The following ATP10B variants were observed in gnomAD, a reference collection of about 807,000 sequenced individuals.
ATP10B encodes the protein ATPase phospholipid transporting 10B (putative).
In ATP10B, 122 loss-of-function variants were observed where a neutral mutation model predicts 141.2. That is an observed-to-expected ratio of 0.86 (90% CI 0.75 to 1.00). The LOEUF (loss-of-function observed/expected upper bound fraction) is 1.00, where lower values mean the gene tolerates loss of function less well. Ranked by LOEUF, ATP10B falls within the 50% of genes least tolerant of loss-of-function variation. The probability of loss-of-function intolerance (pLI) is 0.00; values close to 1 mark genes in which losing one functional copy is unlikely to be tolerated. For missense variants in ATP10B, 1,876 were observed against 1,825.3 expected, an observed-to-expected ratio of 1.03 and a Z score of -0.51; for synonymous variants, 685 against 692.0, an observed-to-expected ratio of 0.99 and a Z score of 0.16.
At chr5:160,663,574 A>G (rs1014397376) in intron 7 of ATP10B, among the ~76,000 whole-genome samples, 1 of 151,968 alleles carries the variant, frequency 6.6e-6, no homozygotes, top group East Asian at 1.9e-4. Context: ...TCACTCATAG[A>G]TGGGAATTGA....
chr5:160,767,973 G>T (rs577668783), intron 2 of ATP10B, among the ~76,000 whole-genome samples: 1 of 151,994 alleles, frequency 6.6e-6, no homozygotes, highest in African/African-American at 2.4e-5. Context: ...GAACATTTCT[G>T]TCTCTCAGTA....
intron 1 of ATP10B, among the ~76,000 whole-genome samples, chr5:160,788,150 A>G (rs913660561): frequency 2.0e-5 from 3 of 152,080 alleles, no homozygotes; most frequent in Non-Finnish European, 4.4e-5. Flanking sequence ...TTTAGCCCTC[A>G]TTTCTGTGAG....
rs779746721 is a variant in ATP10B at position 160,615,936 on chromosome 5, C to T, written c.2555G>A (p.Trp852Ter). The T allele has an allele frequency of 8.1e-6, 13 of 1,613,746 alleles. No individual in the cohort carries two copies. Among genetic ancestry groups the T allele is most frequent in the Non-Finnish European group, 1.1e-5 (13 of 1,179,830 alleles). ...KVVSEEDFRR[W>*]ASFRREAEAS... ...CTCAGCCTCACGCCGGAAACTGGCC[C>T]ATCTCCGGAAGTCCTCTTCGCTTAC... Residue 852 changes from tryptophan (W) to a stop codon, truncating the protein, a stop_gained, in exon 17 of 26, where the codon TGG becomes TAG. Transcript: ENST00000327245. LOFTEE classifies it high-confidence loss of function.
chr5:160,726,014 A>C (rs73798532), intron 2 of ATP10B, among the ~76,000 whole-genome samples: 3,127 of 152,270 alleles, frequency 0.021, 112 homozygotes, highest in African/African-American at 0.071. Context: ...GGCTAATCTC[A>C]ATCATGGAAT....
chr5:160,838,844 T>C (rs756388365), intron 1 of ATP10B, among the ~76,000 whole-genome samples: 37 of 152,146 alleles, frequency 2.4e-4, no homozygotes, highest in Non-Finnish European at 4.1e-4. Flanking sequence ...TGGAAGGTGA[T>C]TGGATCATGG....
intron 2 of ATP10B, among the ~76,000 whole-genome samples, chr5:160,774,560 T>C (rs527505130): frequency 6.6e-6 from 1 of 152,328 alleles, no homozygotes; most frequent in East Asian, 1.9e-4. Context: ...CTCTATTAAC[T>C]GTGCCCCACT....
At chr5:160,586,915 G>A (rs1444107874) in intron 24 of ATP10B, among the ~76,000 whole-genome samples, 1 of 152,126 alleles carries the variant, frequency 6.6e-6, no homozygotes, top group African/African-American at 2.4e-5. Flanking sequence ...TCTGTAGATT[G>A]CCTTTTCACT....
At chr5:160,772,924 C>T (rs537615138) in intron 2 of ATP10B, among the ~76,000 whole-genome samples, 4 of 152,326 alleles carry the variant, frequency 2.6e-5, no homozygotes, top group African/African-American at 9.6e-5. Context: ...CAGTTGCTGA[C>T]ACATGGAAAA....
intron 3 of ATP10B, among the ~76,000 whole-genome samples, chr5:160,706,419 T>C (rs1316539407): frequency 1.3e-5 from 2 of 152,172 alleles, no homozygotes; most frequent in African/African-American, 4.8e-5. Flanking sequence ...TAATTTGTAA[T>C]AATAAACAAT....
the ATP10B span, among the ~76,000 whole-genome samples, chr5:160,873,685 C>T: frequency 4.6e-5 from 7 of 152,276 alleles, no homozygotes; most frequent in East Asian, 5.8e-4. Context: ...ACGCACTGTG[C>T]GCGAGCCAAA....
chr5:160,638,964 C>T lies in ATP10B; in HGVS notation c.1000+1497G>A, dbSNP rs1759628193. ...ACTCCTGTCTCCACCTCTCATGGTG[C>T]TCCTCACTCAGCTCGGGCCACAGAC... On this transcript the variant is annotated intron_variant, in intron 10 of 25. Transcript: ENST00000327245. Among the ~76,000 whole-genome samples the T allele has an allele frequency of 3.3e-5, 5 of 152,206 alleles. No individual in the cohort carries two copies. The South Asian group carries it at 1.0e-3, about 32-fold the overall frequency.
chr5:160,615,517 A>G (rs1481900096), intron 17 of ATP10B, among the ~76,000 whole-genome samples: 2 of 151,754 alleles, frequency 1.3e-5, no homozygotes, highest in East Asian at 3.9e-4. Context: ...GCAGCCCCAA[A>G]GCCTAGCATG....
chr5:160,822,644 ATGT>A (rs1774200033), intron 1 of ATP10B, among the ~76,000 whole-genome samples: 1 of 152,128 alleles, frequency 6.6e-6, no homozygotes, highest in African/African-American at 2.4e-5. Context: ...GATACAGAAA[ATGT>A]TGTACATATA....
intron 1 of ATP10B, among the ~76,000 whole-genome samples, chr5:160,830,555 T>G (rs924480254): frequency 6.6e-6 from 1 of 152,128 alleles, no homozygotes; most frequent in Non-Finnish European, 1.5e-5. Flanking sequence ...GATTTGAGCC[T>G]TACTTTTTAC....
chr5:160,829,044 C>G (rs1229083015), intron 1 of ATP10B, among the ~76,000 whole-genome samples: 1 of 112,488 alleles, frequency 8.9e-6, no homozygotes, highest in Admixed American at 1.3e-4. Flanking sequence ...ACATCACACT[C>G]TGGGGACTGT....
chr5:160,854,048 A>T (rs888868189), upstream of ATP10B, among the ~76,000 whole-genome samples: 5 of 152,102 alleles, frequency 3.3e-5, no homozygotes, highest in African/African-American at 9.7e-5. Flanking sequence ...TGCTGCCCAA[A>T]CTAGTCAATT....
chr5:160,834,493 A>G (rs1289942722), intron 1 of ATP10B, among the ~76,000 whole-genome samples: 1 of 152,132 alleles, frequency 6.6e-6, no homozygotes, highest in African/African-American at 2.4e-5. Context: ...GATTTTACAT[A>G]TATCATTAAT....
rs537400455 is a variant in ATP10B at position 160,656,919 on chromosome 5, C to T, written c.676-7663G>A. 3.2e-4 allele frequency among the ~76,000 whole-genome samples: 48 copies of T among 152,202 alleles called. 1 individual carries two copies. The highest frequency in any genetic ancestry group is 1.6e-3 in the Admixed American group (24 of 15,288). ...GAGTCAAGAATGTTTACCAAAAAGACGAGTTGGATTAGTGACTGCCATGCT... is the reference window on the plus strand; with the variant it reads ...GAGTCAAGAATGTTTACCAAAAAGATGAGTTGGATTAGTGACTGCCATGCT... On this transcript the variant is annotated intron_variant, in intron 7 of 25. Transcript: ENST00000327245.
the ATP10B span, among the ~76,000 whole-genome samples, chr5:160,923,510 A>G: frequency 6.6e-6 from 1 of 152,268 alleles, no homozygotes; most frequent in Non-Finnish European, 1.5e-5. Context: ...AAGTGTTATC[A>G]TAAATGTGTG....
Sources: allele counts gnomAD v4.1 joint callset (sites outside exome capture counted in the v4.1 genomes callset), GRCh38; gene constraint gnomAD v4.1.1; transcripts MANE v1.5; gene names NCBI Gene and HGNC (gene_info 2026-07-23, HGNC 2026-07-21).